Variants in TFAP2D observed in about 807,000 individuals in gnomAD.
The protein encoded by TFAP2D is transcription factor AP-2-delta.
TFAP2D carries 9 observed loss-of-function variants against 43.6 expected under a neutral mutation model. That is an observed-to-expected ratio of 0.21 (90% confidence interval 0.12 to 0.36). TFAP2D has a LOEUF of 0.36. TFAP2D is among the 10% of genes least tolerant of loss of function. TFAP2D has a pLI of 1.00. For synonymous variants in TFAP2D, 256 were observed against 224.9 expected (o/e 1.14, Z -1.24); for missense variants, 513 against 561.4 (o/e 0.91, Z 0.87).
At chr6:50,727,842 T>G (rs960261007) in intron 3 of TFAP2D, among the ~76,000 whole-genome samples, 1 of 152,182 alleles carries the variant, frequency 6.6e-6, no homozygotes, top group Admixed American at 6.5e-5. Flanking sequence ...ATAGTCACCA[T>G]GCTAGCAGGG....
chr6:50,760,364 A>G (rs1378238889), intron 7 of TFAP2D, among the ~76,000 whole-genome samples: 1 of 151,996 alleles, frequency 6.6e-6, no homozygotes. Context: ...AAAAATACTG[A>G]TGCTTTGGAT....
chr6:50,740,323 C>A (rs931412105), intron 5 of TFAP2D, among the ~76,000 whole-genome samples: 2 of 152,072 alleles, frequency 1.3e-5, no homozygotes, highest in African/African-American at 2.4e-5. Context: ...TATTGAATAA[C>A]AATGTACAAG....
intron 5 of TFAP2D, among the ~76,000 whole-genome samples, chr6:50,737,714 A>T (rs1453817773): frequency 6.6e-6 from 1 of 152,038 alleles, no homozygotes; most frequent in African/African-American, 2.4e-5. Flanking sequence ...CTTAGTGTTC[A>T]TTCTTTTTTT....
At chr6:50,751,124 G>C in intron 6 of TFAP2D, 87 bp from the exon 7 acceptor site, 2 of 897,762 alleles carry the variant, frequency 2.2e-6, no homozygotes, top group Admixed American at 4.9e-5. Flanking sequence ...TTTTAAAAGA[G>C]AGAACAAGCC....
chr6:50,742,575 T>C (rs774364307), intron 5 of TFAP2D, among the ~76,000 whole-genome samples: 38 of 11,084 alleles, frequency 3.4e-3, no homozygotes, highest in Non-Finnish European at 8.3e-3. Flanking sequence ...CAGACACACA[T>C]AGATAGATAG....
At chr6:50,727,408 C>G (rs1048324690) in intron 3 of TFAP2D, among the ~76,000 whole-genome samples, 1 of 152,154 alleles carries the variant, frequency 6.6e-6, no homozygotes, top group Non-Finnish European at 1.5e-5. Context: ...TTTCTACCAC[C>G]GGTATAATAT....
At position 50,729,171 on chromosome 6, in the gene TFAP2D, AGTTTTTGTTT is replaced by A; in HGVS notation, c.765-14_765-5del. On this transcript the variant is annotated splice_polypyrimidine_tract_variant and intron_variant, in intron 4 of 7. Transcript: ENST00000008391. ...ATCAGAATGTGAAATTTCAAAACCT[AGTTTTTGTTT>A]GTTTTTGTACAGAGCAAAATCAAAG... 1 of 1,609,950 alleles carries A rather than the reference AGTTTTTGTTT, an allele frequency of 6.2e-7. No homozygotes were observed. The highest frequency in any genetic ancestry group is 8.5e-7 in the Non-Finnish European group (1 of 1,178,150).
In TFAP2D at chr6:50,715,230, G is replaced by T. The variant is rs1176277678; in HGVS notation, c.154G>T (p.Gly52Cys). 1.9e-6 allele frequency: 3 copies of T among 1,613,562 alleles called. No individual in the cohort carries two copies. Among genetic ancestry groups the T allele is most frequent in the Admixed American group, 1.7e-5 (1 of 59,948 alleles). ...SSSPLTYSTT[G>C]TEFASPYFST... Reference sequence around the variant, plus strand: ...CTCTCCTTTAACTTACTCCACCACCGGCACCGAGTTTGCGTCCCCCTACTT... The same window carrying T: ...CTCTCCTTTAACTTACTCCACCACCTGCACCGAGTTTGCGTCCCCCTACTT... Residue 52 changes from glycine (G) to cysteine (C), a missense_variant, in exon 2 of 8, where the codon GGC (glycine) becomes TGC (cysteine). Gly to Cys is a radical substitution (Grantham distance 159). This residue lies in a region of TFAP2D where 311 missense variants were observed against 316.2 expected (regional missense o/e 0.98). Coordinates refer to ENST00000008391, the MANE Select transcript of TFAP2D (RefSeq NM_172238.4).
chr6:50,725,730 C>T lies in TFAP2D; in HGVS notation c.599-3126C>T, dbSNP rs114102446. Among the ~76,000 whole-genome samples, 650 of 152,288 alleles carry T rather than the reference C, an allele frequency of 4.3e-3. 3 individuals carry two copies. The highest frequency in any genetic ancestry group is 0.014 in the African/African-American group (601 of 41,562). The stretch of plus-strand genomic sequence containing the variant: ...TTATCTTAAAGAAGTATCACTCCCT[C>T]AGCACCTTCAATCTAAAGGCAAAAC... On this transcript the variant is annotated intron_variant, in intron 3 of 7. Coordinates refer to ENST00000008391, the MANE Select transcript of TFAP2D (RefSeq NM_172238.4).
intron 7 of TFAP2D, among the ~76,000 whole-genome samples, chr6:50,768,903 C>G (rs560312172): frequency 3.9e-5 from 5 of 127,872 alleles, no homozygotes; most frequent in African/African-American, 8.7e-5. Context: ...AACGAAGTGG[C>G]TTTTTTTTTT....
chr6:50,767,949 G>A (rs1769467178), intron 7 of TFAP2D, among the ~76,000 whole-genome samples: 1 of 152,174 alleles, frequency 6.6e-6, no homozygotes, highest in South Asian at 2.1e-4. Context: ...CCTCATTGAG[G>A]ATAGAGTTTT....
intron 2 of TFAP2D, among the ~76,000 whole-genome samples, chr6:50,717,314 AAT>A (rs1372361969): frequency 6.6e-6 from 1 of 152,240 alleles, no homozygotes; most frequent in African/African-American, 2.4e-5. Flanking sequence ...TCATTTATGC[AAT>A]GTCATCCGAC....
At chr6:50,756,951 CT>C (rs1330669535) in intron 7 of TFAP2D, among the ~76,000 whole-genome samples, 4 of 148,536 alleles carry the variant, frequency 2.7e-5, no homozygotes, top group East Asian at 2.0e-4. Flanking sequence ...AAATTTTCCC[CT>C]GTTGGTCTCT....
At chr6:50,760,315 A>AT (rs1457217770) in intron 7 of TFAP2D, among the ~76,000 whole-genome samples, 3 of 151,926 alleles carry the variant, frequency 2.0e-5, no homozygotes, top group Admixed American at 2.0e-4. Flanking sequence ...AGACATACTG[A>AT]TTTTTTTCTC....
chr6:50,745,189 C>G lies in TFAP2D; in HGVS notation c.966C>G (p.Ala322=). The part of the protein sequence containing the change: ...FPAKAVGEHL[A]RQHMEQKEQT... ...CCAAAGCAGTAGGAGAACATCTTGC[C>G]AGACAACATATGGAACAGAAAGAAC... Residue 322 remains alanine, a synonymous_variant, in exon 6 of 8, where the codon GCC becomes GCG. Transcript: ENST00000008391. The G allele has an allele frequency of 6.2e-7, 1 of 1,613,668 alleles. No individual in the cohort carries two copies. Among genetic ancestry groups the G allele is most frequent in the Non-Finnish European group, 8.5e-7 (1 of 1,179,790 alleles).
intron 7 of TFAP2D, among the ~76,000 whole-genome samples, chr6:50,753,274 T>C (rs1769223390): frequency 6.6e-6 from 1 of 151,956 alleles, no homozygotes; most frequent in African/African-American, 2.4e-5. Flanking sequence ...CAATTACAGA[T>C]GCTGAGGCCT....
At chr6:50,737,481 C>T (rs1295600179) in intron 5 of TFAP2D, among the ~76,000 whole-genome samples, 1 of 152,034 alleles carries the variant, frequency 6.6e-6, no homozygotes, top group Non-Finnish European at 1.5e-5. Flanking sequence ...ATAAATAATA[C>T]AAACAAATAG....
chr6:50,719,447 G>GAGAAAGAAGAA (rs1554151925), intron 3 of TFAP2D, among the ~76,000 whole-genome samples: 2 of 131,786 alleles, frequency 1.5e-5, no homozygotes, highest in African/African-American at 5.7e-5. Context: ...AAAAGACAGA[G>GAGAAAGAAGAA]AGAAAGAAAG....
chr6:50,725,167 G>A (rs962259754), intron 3 of TFAP2D, among the ~76,000 whole-genome samples: 5 of 152,294 alleles, frequency 3.3e-5, no homozygotes, highest in East Asian at 1.9e-4. Flanking sequence ...GATCTAACAA[G>A]ATATGGCAGC....
Sources: gnomAD v4.1 joint callset for allele counts (sites outside exome capture counted in the v4.1 genomes callset) on GRCh38, gnomAD v4.1.1 for gene constraint, gnomAD v4.1.1 regional missense constraint, MANE v1.5 for transcripts, NCBI Gene and HGNC (gene_info 2026-07-23, HGNC 2026-07-21) for gene names.